The following CUX2 variants were observed in gnomAD, a reference collection of about 807,000 sequenced individuals.
CUX2 encodes the protein homeobox protein cut-like 2.
A neutral mutation model predicts 144.8 loss-of-function variants in CUX2; 40 were observed. That is an observed-to-expected ratio of 0.28 (90% CI 0.21 to 0.36). CUX2 has a LOEUF of 0.36. Among genes scored for constraint, CUX2 ranks in the 10% least tolerant of loss-of-function variants. The pLI, the probability that CUX2 is intolerant of heterozygous loss-of-function variation, is 1.00. For missense variants in CUX2, 1,615 were observed against 1,994.0 expected (o/e 0.81, Z 3.62); for synonymous variants, 827 against 875.6 (o/e 0.94, Z 0.98).
chr12:111,206,430 G>A (rs7135346), intron 1 of CUX2, among the ~76,000 whole-genome samples: 2,021 of 152,312 alleles, frequency 0.013, 51 homozygotes, highest in African/African-American at 0.046. Context: ...CCAGACACAG[G>A]TCAGATGGTC....
intron 1 of CUX2, among the ~76,000 whole-genome samples, chr12:111,208,787 C>T (rs187538796): frequency 2.0e-5 from 3 of 152,306 alleles, no homozygotes; most frequent in African/African-American, 7.2e-5. Context: ...TTCATTCCAA[C>T]AAGCAGAAAG....
intron 19 of CUX2, among the ~76,000 whole-genome samples, chr12:111,337,960 G>A (rs1350976560): frequency 2.0e-5 from 3 of 152,074 alleles, no homozygotes; most frequent in Non-Finnish European, 4.4e-5. Flanking sequence ...GCTTGAACCT[G>A]GGAGGCAGAG....
intron 1 of CUX2, among the ~76,000 whole-genome samples, chr12:111,107,067 G>A (rs970988849): frequency 6.6e-6 from 1 of 152,218 alleles, no homozygotes. Flanking sequence ...GACAGTGTGT[G>A]CCAGGCATTG....
chr12:111,147,376 A>C (rs1297778962), intron 1 of CUX2, among the ~76,000 whole-genome samples: 3 of 152,154 alleles, frequency 2.0e-5, no homozygotes, highest in Non-Finnish European at 4.4e-5. Flanking sequence ...AATACAAAAT[A>C]ACCTGGGATT....
At position 111,304,312 on chromosome 12, in the gene CUX2, G is replaced by C. The variant is rs767409363; in HGVS notation, c.856G>C (p.Gly286Arg). Residue 286 changes from glycine (G) to arginine (R), a missense_variant and splice_region_variant, in exon 10 of 22, where the codon GGG (glycine) becomes CGG (arginine). Physicochemically the swap from Gly to Arg is moderately radical, Grantham distance 125. Coordinates refer to ENST00000261726, the MANE Select transcript of CUX2 (RefSeq NM_015267.4). The surrounding 1 kb of genome is among the most constrained non-coding windows in gnomAD (Gnocchi z 4.7). ...TTGCTGCTCTCCCCAGGGGCCCAGT[G>C]GGGTAAGGATGGGGTTGGGGAAGTG... is the stretch of plus-strand genomic sequence containing the variant. ...LACCSPQGPS[G>R]DKVNFTLCSG... 2.5e-6 allele frequency: 4 copies of C among 1,612,774 alleles called. No homozygotes were observed. Among genetic ancestry groups the C allele is most frequent in the Non-Finnish European group, 2.5e-6 (3 of 1,179,306 alleles).
At chr12:111,281,939 C>T (rs982671241) in intron 4 of CUX2, among the ~76,000 whole-genome samples, 12 of 152,130 alleles carry the variant, frequency 7.9e-5, no homozygotes, top group African/African-American at 2.7e-4. Context: ...GGGTGAGCCT[C>T]GGACTGCAGC....
intron 1 of CUX2, among the ~76,000 whole-genome samples, chr12:111,062,738 A>G (rs79453427): frequency 0.054 from 8,181 of 152,282 alleles, 736 homozygotes; most frequent in African/African-American, 0.19. Flanking sequence ...TGATGAGACC[A>G]TATTACAGGG....
intron 1 of CUX2, among the ~76,000 whole-genome samples, chr12:111,070,213 C>G (rs892908094): frequency 2.0e-5 from 3 of 152,136 alleles, no homozygotes; most frequent in Non-Finnish European, 2.9e-5. Context: ...AATGGGTGTG[C>G]CTGAAGACAT....
intron 1 of CUX2, among the ~76,000 whole-genome samples, chr12:111,123,882 C>T (rs1021486520): frequency 2.6e-5 from 4 of 152,182 alleles, no homozygotes; most frequent in African/African-American, 9.7e-5. Context: ...TCCTTTTGGT[C>T]CCCTTGTATT....
intron 3 of CUX2, among the ~76,000 whole-genome samples, chr12:111,224,962 T>C (rs537946888): frequency 2.9e-4 from 44 of 152,130 alleles, no homozygotes; most frequent in Non-Finnish European, 5.6e-4. Flanking sequence ...CTGGAGTGCA[T>C]TGGTGCATTC....
Position 111,160,524 on chromosome 12 carries a change from C to G in CUX2, c.64-53676C>G, listed in dbSNP as rs973026009. Among the ~76,000 whole-genome samples, 1 of 152,178 alleles carries G rather than the reference C, an allele frequency of 6.6e-6. No individual in the cohort carries two copies. Among genetic ancestry groups the G allele is most frequent in the South Asian group, 2.1e-4 (1 of 4,836 alleles). On this transcript the variant is annotated intron_variant, in intron 1 of 21. Coordinates refer to ENST00000261726, the MANE Select transcript of CUX2 (RefSeq NM_015267.4). This position sits in a 1 kb window ranked among gnomAD's most constrained non-coding sequence, Gnocchi z 4.1. The stretch of plus-strand genomic sequence containing the variant: ...GAGGGCCCTTCCTGGTCCAAGAACT[C>G]GCGTGACCCGGCACAGAGGGGGCGC...
At chr12:111,095,845 A>G (rs1872783052) in intron 1 of CUX2, among the ~76,000 whole-genome samples, 1 of 152,146 alleles carries the variant, frequency 6.6e-6, no homozygotes, top group East Asian at 1.9e-4. Flanking sequence ...AACCCTTTCA[A>G]TGTCTCAAAG....
intron 4 of CUX2, among the ~76,000 whole-genome samples, chr12:111,280,006 A>G (rs1009603163): frequency 1.3e-5 from 2 of 150,890 alleles, no homozygotes; most frequent in Admixed American, 6.6e-5. Flanking sequence ...AACAAGGACC[A>G]GGCGCAGTGG....
At position 111,068,109 on chromosome 12, in the gene CUX2, G is replaced by A. The variant is rs1472567449; in HGVS notation, c.63+33869G>A. ...TGCAGAGCCTGGCGAAGTCCCTCCCGTGTCCCCAAGCCCACCACACCTGCT... is the reference window on the plus strand; with the variant it reads ...TGCAGAGCCTGGCGAAGTCCCTCCCATGTCCCCAAGCCCACCACACCTGCT... On this transcript the variant is annotated intron_variant, in intron 1 of 21. Transcript: ENST00000261726. This position sits in a 1 kb window ranked among gnomAD's most constrained non-coding sequence, Gnocchi z 4.9. 6.6e-6 allele frequency among the ~76,000 whole-genome samples: 1 copy of A among 152,002 alleles called. No individual in the cohort carries two copies. Among genetic ancestry groups the A allele is most frequent in the African/African-American group, 2.4e-5 (1 of 41,382 alleles).
chr12:111,318,536 G>A (rs967011062), intron 16 of CUX2, among the ~76,000 whole-genome samples: 2 of 148,332 alleles, frequency 1.3e-5, no homozygotes, highest in Admixed American at 6.7e-5. Context: ...AGCTATGATC[G>A]CACCTGAGAT....
At chr12:111,269,371 C>T (rs1884532488) in intron 4 of CUX2, among the ~76,000 whole-genome samples, 1 of 152,188 alleles carries the variant, frequency 6.6e-6, no homozygotes, top group Admixed American at 6.5e-5. Flanking sequence ...TGAGACCCCC[C>T]TTCCATGCAC....
intron 19 of CUX2, among the ~76,000 whole-genome samples, chr12:111,336,614 A>AT (rs931757889): frequency 2.6e-5 from 4 of 151,618 alleles, no homozygotes; most frequent in African/African-American, 9.7e-5. Flanking sequence ...CTCCTGGCTA[A>AT]TTTTTTTATT....
intron 1 of CUX2, among the ~76,000 whole-genome samples, chr12:111,150,313 C>T (rs919448343): frequency 2.0e-5 from 3 of 152,034 alleles, no homozygotes; most frequent in Non-Finnish European, 4.4e-5. Flanking sequence ...CTCCTCCCCC[C>T]AAAAAAGGGC....
chr12:111,159,681 T>C (rs776426841), intron 1 of CUX2, among the ~76,000 whole-genome samples: 1 of 152,230 alleles, frequency 6.6e-6, no homozygotes, highest in Non-Finnish European at 1.5e-5. Flanking sequence ...ATTTGTTTTC[T>C]CAGGACATTT....
Sources: gnomAD v4.1 joint callset for allele counts (sites outside exome capture counted in the v4.1 genomes callset) on GRCh38, gnomAD v4.1.1 for gene constraint, Gnocchi (gnomAD v3.1) non-coding constraint, MANE v1.5 for transcripts, NCBI Gene and HGNC (gene_info 2026-07-23, HGNC 2026-07-21) for gene names.